KCNIP4: variants seen among roughly 807,000 people sequenced by gnomAD.
KCNIP4 encodes potassium voltage-gated channel interacting protein 4.
Under a neutral mutation model 34.0 loss-of-function variants are expected in KCNIP4, and 12 were observed. That is an observed-to-expected ratio of 0.35 (90% CI 0.23 to 0.57). The LOEUF is 0.57. Ranked by LOEUF, KCNIP4 falls within the 20% of genes least tolerant of loss-of-function variation. The pLI is 0.83. For missense variants in KCNIP4, 238 were observed against 311.7 expected, an observed-to-expected ratio of 0.76 and a Z score of 1.78; for synonymous variants, 124 against 102.2, an observed-to-expected ratio of 1.21 and a Z score of -1.29.
chr4:21,407,388 A>G (rs1399250427), intron 1 of KCNIP4, among the ~76,000 whole-genome samples: 1 of 152,124 alleles, frequency 6.6e-6, no homozygotes, highest in Non-Finnish European at 1.5e-5. Context: ...GCATTTCCTA[A>G]TACATTTATT....
chr4:21,691,035 C>T (rs1053362781), intron 1 of KCNIP4, among the ~76,000 whole-genome samples: 1 of 152,158 alleles, frequency 6.6e-6, no homozygotes, highest in Non-Finnish European at 1.5e-5. Flanking sequence ...TTAGCTTGCT[C>T]ATGCCACTTT....
intron 1 of KCNIP4, among the ~76,000 whole-genome samples, chr4:21,073,810 C>A (rs1227514594): frequency 2.0e-5 from 3 of 152,096 alleles, no homozygotes; most frequent in African/African-American, 4.8e-5. Flanking sequence ...AGATATGACC[C>A]ATCAATACCT....
chr4:21,317,728 T>C (rs1017170120), intron 1 of KCNIP4, among the ~76,000 whole-genome samples: 1 of 152,138 alleles, frequency 6.6e-6, no homozygotes, highest in African/African-American at 2.4e-5. Context: ...TTCCCACTTG[T>C]TGTGGGAGGG....
At chr4:21,647,167 T>C (rs1747082422) in intron 1 of KCNIP4, among the ~76,000 whole-genome samples, 1 of 152,112 alleles carries the variant, frequency 6.6e-6, no homozygotes, top group African/African-American at 2.4e-5. Context: ...GCAGTTTATC[T>C]TATATCTTAA....
At chr4:21,898,195 C>A (rs544646065) in intron 1 of KCNIP4, among the ~76,000 whole-genome samples, 1 of 152,088 alleles carries the variant, frequency 6.6e-6, no homozygotes, top group Non-Finnish European at 1.5e-5. Flanking sequence ...ACTTGAAAGG[C>A]GGTATAGGCC....
At chr4:21,860,899 T>A (rs1725035731) in intron 1 of KCNIP4, among the ~76,000 whole-genome samples, 2 of 152,320 alleles carry the variant, frequency 1.3e-5, no homozygotes, top group Admixed American at 1.3e-4. Flanking sequence ...TATAGAAAAT[T>A]CTGAAATTTT....
chr4:21,853,894 A>T (rs1329108635), intron 1 of KCNIP4, among the ~76,000 whole-genome samples: 1 of 152,194 alleles, frequency 6.6e-6, no homozygotes, highest in African/African-American at 2.4e-5. Flanking sequence ...GTCATGTGCC[A>T]TCCATGGTCC....
At chr4:21,510,216 C>A (rs1489080878) in intron 1 of KCNIP4, among the ~76,000 whole-genome samples, 2 of 151,174 alleles carry the variant, frequency 1.3e-5, no homozygotes, top group Non-Finnish European at 2.9e-5. Flanking sequence ...TCAAAAAAAA[C>A]TCATTGGATT....
intron 1 of KCNIP4, among the ~76,000 whole-genome samples, chr4:20,948,832 A>G (rs563883272): frequency 6.6e-6 from 1 of 152,324 alleles, no homozygotes; most frequent in Admixed American, 6.5e-5. Flanking sequence ...TATTAATATC[A>G]TGTTATATGT....
intron 1 of KCNIP4, among the ~76,000 whole-genome samples, chr4:21,940,645 A>C (rs1257042283): frequency 2.6e-5 from 4 of 152,168 alleles, no homozygotes; most frequent in Non-Finnish European, 4.4e-5. Flanking sequence ...TTTATAAGCT[A>C]CAAGTAGATA....
chr4:21,136,181 C>G (rs190705604), intron 1 of KCNIP4, among the ~76,000 whole-genome samples: 98 of 152,184 alleles, frequency 6.4e-4, no homozygotes, highest in African/African-American at 2.3e-3. Context: ...GCCCTAAGGT[C>G]CTAACATGTC....
chr4:21,066,929 G>A lies in KCNIP4; in HGVS notation c.62-184220C>T, dbSNP rs146259670. Among the ~76,000 whole-genome samples the A allele has an allele frequency of 5.2e-3, 796 of 152,238 alleles. 7 individuals carry two copies. The highest frequency in any genetic ancestry group is 0.018 in the African/African-American group (765 of 41,550). Reference sequence around the variant, plus strand: ...GTGAGATACCAGCCGGGATGCATGAGGGATGCTTGCACCAACCCTCCTCAA... The same window carrying A: ...GTGAGATACCAGCCGGGATGCATGAAGGATGCTTGCACCAACCCTCCTCAA... On this transcript the variant is annotated intron_variant, in intron 1 of 8. Transcript: ENST00000382152.
At chr4:20,958,584 A>T (rs1259953282) in intron 1 of KCNIP4, among the ~76,000 whole-genome samples, 1 of 152,160 alleles carries the variant, frequency 6.6e-6, no homozygotes, top group Non-Finnish European at 1.5e-5. Context: ...ACATAGAAGA[A>T]CTTTCAGCTA....
At chr4:21,889,698 A>T (rs1726981543) in intron 1 of KCNIP4, among the ~76,000 whole-genome samples, 1 of 152,120 alleles carries the variant, frequency 6.6e-6, no homozygotes, top group African/African-American at 2.4e-5. Flanking sequence ...GTAGGAAAAA[A>T]CCTAGAACTA....
chr4:21,769,760 T>G (rs939955374), intron 1 of KCNIP4, among the ~76,000 whole-genome samples: 4 of 152,122 alleles, frequency 2.6e-5, no homozygotes, highest in African/African-American at 9.7e-5. Context: ...GAATCCCTTA[T>G]TATGTCTATT....
intron 1 of KCNIP4, among the ~76,000 whole-genome samples, chr4:21,562,467 C>T (rs1330586588): frequency 2.6e-5 from 4 of 152,040 alleles, no homozygotes; most frequent in Non-Finnish European, 5.9e-5. Context: ...GTGGGAATCA[C>T]TTTTAACTAT....
intron 1 of KCNIP4, among the ~76,000 whole-genome samples, chr4:21,397,712 C>G (rs1481726091): frequency 6.6e-6 from 1 of 152,092 alleles, no homozygotes; most frequent in Non-Finnish European, 1.5e-5. Flanking sequence ...ATGATGCTAT[C>G]AAAAAGCTAA....
At chr4:20,837,154 A>G (rs115483066) in intron 3 of KCNIP4, among the ~76,000 whole-genome samples, 2,660 of 152,276 alleles carry the variant, frequency 0.017, 73 homozygotes, top group African/African-American at 0.057. Flanking sequence ...TATGGGAGTT[A>G]GAATATCAGA....
At chr4:21,898,900 C>T (rs1191690007) in intron 1 of KCNIP4, among the ~76,000 whole-genome samples, 1 of 152,110 alleles carries the variant, frequency 6.6e-6, no homozygotes, top group Non-Finnish European at 1.5e-5. Context: ...CTGCCCAGGG[C>T]CAGAGGGAAG....
Sources: gnomAD v4.1 joint callset for allele counts (sites outside exome capture counted in the v4.1 genomes callset) on GRCh38, gnomAD v4.1.1 for gene constraint, MANE v1.5 for transcripts, NCBI Gene and HGNC (gene_info 2026-07-23, HGNC 2026-07-21) for gene names.